The following TG variants were observed in gnomAD, a reference collection of about 807,000 sequenced individuals.
TG encodes the protein thyroid hormones.
TG carries 270 observed loss-of-function variants against 324.7 expected under a neutral mutation model. The observed-to-expected ratio is 0.83, with a 90% CI of 0.75 to 0.92. The LOEUF (loss-of-function observed/expected upper bound fraction) is 0.92, where lower values mean the gene tolerates loss of function less well. Ranked by LOEUF, TG falls within the 40% of genes least tolerant of loss-of-function variation. The pLI, the probability that TG is intolerant of heterozygous loss-of-function variation, is 0.00. For synonymous variants in TG, 1,401 were observed against 1,327.0 expected (o/e 1.06, Z -1.21); for missense variants, 3,591 against 3,456.4 (o/e 1.04, Z -0.98).
At position 132,969,501 on chromosome 8, in the gene TG, G is replaced by A. The variant is rs17693031; in HGVS notation, c.5907G>A (p.Pro1969=). Residue 1969 remains proline, a synonymous_variant, in exon 32 of 48, where the codon CCG becomes CCA. Transcript: ENST00000220616. The stretch of plus-strand genomic sequence containing the variant: ...TGAAGAACTTTTACACTCGCCTGCC[G>A]TTCCAAAAACTGATGGGGATATCCA... ...DKVKNFYTRL[P]FQKLMGISIR... 63,462 of 1,612,978 alleles carry A rather than the reference G, an allele frequency of 0.039. 1,515 individuals carry two copies. Among genetic ancestry groups the A allele is most frequent in the Non-Finnish European group, 0.044 (51,577 of 1,179,160 alleles).
At chr8:132,989,834 C>T (rs757411500) in intron 35 of TG, among the ~76,000 whole-genome samples, 15 of 152,248 alleles carry the variant, frequency 9.9e-5, no homozygotes, top group Middle Eastern at 3.4e-3. Context: ...GGAAGCAATG[C>T]GACATCACGG....
intron 27 of TG, among the ~76,000 whole-genome samples, chr8:132,956,924 G>A (rs1826966740): frequency 6.6e-6 from 1 of 152,140 alleles, no homozygotes; most frequent in Admixed American, 6.5e-5. Flanking sequence ...CTGAATGCAT[G>A]TGGAGACTGA....
chr8:132,869,017 T>C (rs116217250), intron 2 of TG, among the ~76,000 whole-genome samples: 4,434 of 152,298 alleles, frequency 0.029, 151 homozygotes, highest in East Asian at 0.087. Flanking sequence ...TGTGCAGAGA[T>C]GCTGCTAGAG....
rs1055019210 is a variant in TG at position 133,099,423 on chromosome 8, G to A, written c.7572+3050G>A. Among the ~76,000 whole-genome samples the A allele has an allele frequency of 1.7e-4, 26 of 152,292 alleles. 1 individual carries two copies. The highest frequency in any genetic ancestry group is 1.0e-3 in the South Asian group (5 of 4,830). ...CCTGCAGCAGGAGAGTAGTGACGGT[G>A]GGACTGGAAGCCAGCTCACAGCTCA... is the stretch of plus-strand genomic sequence containing the variant. On this transcript the variant is annotated intron_variant, in intron 43 of 47. Transcript: ENST00000220616.
chr8:132,996,557 A>G (rs866218358), intron 35 of TG, among the ~76,000 whole-genome samples: 1 of 152,176 alleles, frequency 6.6e-6, no homozygotes, highest in Middle Eastern at 3.4e-3. Flanking sequence ...TTTGCTTGCT[A>G]TTATAGGTCT....
intron 23 of TG, 75 bp from the exon 24 acceptor site, chr8:132,933,486 C>T: frequency 8.7e-7 from 1 of 1,154,810 alleles, no homozygotes; most frequent in East Asian, 2.4e-5. Flanking sequence ...GGGGCAGGGG[C>T]AGGGGGATGT....
chr8:133,121,368 C>T (rs1171522549), intron 45 of TG, among the ~76,000 whole-genome samples: 2 of 152,126 alleles, frequency 1.3e-5, no homozygotes, highest in Non-Finnish European at 2.9e-5. Flanking sequence ...CCCCTTTCTC[C>T]CTATGTCACA....
At chr8:133,002,756 C>A in intron 35 of TG, 1 of 243,312 alleles carries the variant, frequency 4.1e-6, no homozygotes. Flanking sequence ...CATTTTCCTT[C>A]ACGTGTTTCA....
chr8:132,961,149 A>G (rs1827703809), intron 28 of TG, 76 bp downstream of exon 28: 2 of 1,409,558 alleles, frequency 1.4e-6, no homozygotes, highest in Non-Finnish European at 2.0e-6. Flanking sequence ...TCTCATTCAC[A>G]GGGCACTCTA....
chr8:133,022,739 C>G (rs1056466086), intron 40 of TG, among the ~76,000 whole-genome samples: 3 of 152,188 alleles, frequency 2.0e-5, no homozygotes, highest in Non-Finnish European at 4.4e-5. Context: ...CTGGACCAAC[C>G]TAAACATCCT....
At chr8:132,888,767 G>A (rs1563914610) in intron 10 of TG, among the ~76,000 whole-genome samples, 199 bp downstream of exon 10, 1 of 152,186 alleles carries the variant, frequency 6.6e-6, no homozygotes, top group Non-Finnish European at 1.5e-5. Context: ...GTGTTGGCAA[G>A]ATTGATAGAG....
In TG at chr8:133,017,930, G is replaced by A; in HGVS notation, c.6715G>A (p.Ala2239Thr). The stretch of plus-strand genomic sequence containing the variant: ...AGTTCCATATGCTGCCCCGCCCCTG[G>A]CAGAGAGGCGCTTCCAGGCACCAGA... ...LGVPYAAPPL[A>T]ERRFQAPEPL... Residue 2239 changes from alanine to threonine, a missense_variant, in exon 38 of 48, where the codon GCA becomes ACA. By Grantham distance (58) the Ala-to-Thr change is moderately conservative (BLOSUM62 0). Transcript: ENST00000220616. The A allele has an allele frequency of 1.2e-6, 2 of 1,614,178 alleles. No homozygotes were observed. The highest frequency in any genetic ancestry group is 1.3e-5 in the African/African-American group (1 of 75,054).
intron 35 of TG, among the ~76,000 whole-genome samples, chr8:132,994,528 A>G (rs1446169870): frequency 1.3e-5 from 2 of 152,208 alleles, no homozygotes; most frequent in African/African-American, 4.8e-5. Flanking sequence ...ATGGCTTATA[A>G]TAATTTTAAT....
At chr8:133,022,262 A>G (rs975306755) in intron 40 of TG, 112 bp downstream of exon 40, 4 of 1,458,944 alleles carry the variant, frequency 2.7e-6, no homozygotes, top group Admixed American at 3.4e-5. Context: ...CAAGCTAGGC[A>G]CACAGTGGAA....
At chr8:133,106,607 AC>A (rs1849827501) in intron 43 of TG, 1 of 294,384 alleles carries the variant, frequency 3.4e-6, no homozygotes, top group Admixed American at 6.5e-5. Flanking sequence ...GCATGTCTGA[AC>A]CCTACCCTCT....
At chr8:132,914,953 G>T (rs760083855) in intron 20 of TG, among the ~76,000 whole-genome samples, 11 of 152,192 alleles carry the variant, frequency 7.2e-5, no homozygotes, top group South Asian at 4.2e-4. Flanking sequence ...TGGTGTATGT[G>T]GCGTGTGTGT....
At chr8:132,881,003 G>A (rs1249270402) in intron 5 of TG, among the ~76,000 whole-genome samples, 1 of 152,156 alleles carries the variant, frequency 6.6e-6, no homozygotes, top group Non-Finnish European at 1.5e-5. Flanking sequence ...CTTATTGCTG[G>A]GAGATATATT....
In TG at chr8:132,972,568, G is replaced by GTT. The variant is rs755247730; in HGVS notation, c.6056-30_6056-29insTT. The stretch of plus-strand genomic sequence containing the variant: ...CCATTGTACTCAGTTTCCTGATTGT[G>GTT]GTTTTTTGTTTTTTTTTTTTCCACC... On this transcript the variant is annotated intron_variant, in intron 33 of 47. Coordinates refer to ENST00000220616, the MANE Select transcript of TG (RefSeq NM_003235.5). The GTT allele has an allele frequency of 2.1e-5, 28 of 1,308,820 alleles. No individual in the cohort carries two copies. The African/African-American group carries it at 2.4e-4, about 11-fold the overall frequency. 81.1% of individuals were successfully genotyped at this position (1,308,820 alleles called of 1,614,324 possible). A position where few individuals can be genotyped will look rare whatever the true frequency, so the allele number is the denominator to read the frequency against.
chr8:133,007,405 T>TG (rs1212483781), intron 35 of TG, among the ~76,000 whole-genome samples: 3 of 152,130 alleles, frequency 2.0e-5, no homozygotes, highest in Non-Finnish European at 2.9e-5. Context: ...AGGCTTTTTT[T>TG]GTGCCCGTTA....
Sources: gnomAD v4.1 joint callset for allele counts (sites outside exome capture counted in the v4.1 genomes callset) on GRCh38, gnomAD v4.1.1 for gene constraint, MANE v1.5 for transcripts, NCBI Gene and HGNC (gene_info 2026-07-23, HGNC 2026-07-21) for gene names.